The following TAFA1 variants were observed in gnomAD, a reference collection of about 807,000 sequenced individuals.
TAFA1 encodes chemokine-like protein TAFA-1.
A neutral mutation model predicts 18.5 loss-of-function variants in TAFA1; 4 were observed. That is an observed-to-expected ratio of 0.22 (90% CI 0.11 to 0.49). The LOEUF is 0.49. Among genes scored for constraint, TAFA1 ranks in the 20% least tolerant of loss-of-function variants. The pLI is 0.98. For missense variants in TAFA1, 147 were observed against 169.0 expected, an observed-to-expected ratio of 0.87 and a Z score of 0.72; for synonymous variants, 56 against 55.2, an observed-to-expected ratio of 1.01 and a Z score of -0.06.
intron 3 of TAFA1, among the ~76,000 whole-genome samples, chr3:68,513,169 A>G (rs1369481160): frequency 6.6e-6 from 1 of 152,134 alleles, no homozygotes; most frequent in Admixed American, 6.6e-5. Flanking sequence ...AGAGTGGTGA[A>G]CATAAGACAT....
At chr3:68,185,294 A>C (rs946805240) in intron 2 of TAFA1, among the ~76,000 whole-genome samples, 13 of 152,140 alleles carry the variant, frequency 8.5e-5, no homozygotes, top group Non-Finnish European at 5.9e-5. Context: ...ACATTTGGGG[A>C]GCCAACATCA....
chr3:68,067,014 T>G (rs1309911466), intron 2 of TAFA1, among the ~76,000 whole-genome samples: 1 of 152,176 alleles, frequency 6.6e-6, no homozygotes, highest in Non-Finnish European at 1.5e-5. Context: ...GACGGCCAGC[T>G]CCATGTAGAA....
In TAFA1 at chr3:68,537,601, T is replaced by G. The variant is rs183443889; in HGVS notation, c.260-1155T>G. Among the ~76,000 whole-genome samples the G allele has an allele frequency of 9.9e-5, 15 of 152,248 alleles. 1 individual carries two copies. The highest frequency in any genetic ancestry group is 6.5e-4 in the Admixed American group (10 of 15,292). ...TTTCCTAGACTGGACAATGGGGGCT[T>G]CAGAGAAAGCCTGGTTGTATCAGTG... On this transcript the variant is annotated intron_variant, in intron 3 of 4. Coordinates refer to ENST00000478136, the MANE Select transcript of TAFA1 (RefSeq NM_213609.4).
At chr3:68,489,550 C>T (rs1223002154) in intron 3 of TAFA1, among the ~76,000 whole-genome samples, 1 of 152,142 alleles carries the variant, frequency 6.6e-6, no homozygotes, top group South Asian at 2.1e-4. Flanking sequence ...CGTAGACCCC[C>T]GGTGTTTTTC....
chr3:68,466,109 G>A (rs975916985), intron 3 of TAFA1, among the ~76,000 whole-genome samples: 5 of 151,926 alleles, frequency 3.3e-5, no homozygotes, highest in African/African-American at 1.2e-4. Context: ...CACATGATAG[G>A]CTTATGAATT....
At chr3:68,134,531 T>C (rs1002681525) in intron 2 of TAFA1, among the ~76,000 whole-genome samples, 1 of 152,204 alleles carries the variant, frequency 6.6e-6, no homozygotes, top group South Asian at 2.1e-4. Flanking sequence ...TGGTTCTTAC[T>C]GTCAGTCAGT....
At chr3:68,452,992 A>G (rs528801511) in intron 3 of TAFA1, among the ~76,000 whole-genome samples, 117 of 152,328 alleles carry the variant, frequency 7.7e-4, no homozygotes, top group African/African-American at 2.4e-3. Context: ...TCTTTGAATG[A>G]TAATATAAAT....
chr3:68,482,277 G>A (rs2072252517), intron 3 of TAFA1, among the ~76,000 whole-genome samples: 1 of 152,212 alleles, frequency 6.6e-6, no homozygotes. Context: ...AAAGTGCTGG[G>A]ATTGCAGGTG....
intron 2 of TAFA1, among the ~76,000 whole-genome samples, chr3:68,339,901 A>G (rs1016285707): frequency 6.6e-6 from 1 of 152,190 alleles, no homozygotes; most frequent in South Asian, 2.1e-4. Flanking sequence ...GGATTTGCCA[A>G]TGGCTTAACA....
intron 2 of TAFA1, among the ~76,000 whole-genome samples, chr3:68,318,835 C>T (rs770406548): frequency 6.6e-6 from 1 of 152,214 alleles, no homozygotes; most frequent in Non-Finnish European, 1.5e-5. Context: ...GAATCATGTC[C>T]TCTTCAATAA....
intron 2 of TAFA1, among the ~76,000 whole-genome samples, chr3:68,303,782 C>T (rs1353454405): frequency 6.6e-6 from 1 of 151,910 alleles, no homozygotes; most frequent in African/African-American, 2.4e-5. Context: ...AAATATGTCA[C>T]AAAGAGGCAA....
At chr3:68,199,690 T>C (rs9843449) in intron 2 of TAFA1, among the ~76,000 whole-genome samples, 102,881 of 151,398 alleles carry the variant, frequency 0.68, 35,375 homozygotes, top group South Asian at 0.78. Flanking sequence ...GACTTTTGCA[T>C]ATTAAACTTG....
rs1553695290 is a variant in TAFA1, at chr3:68,479,241, A to AT, written c.260-59515_260-59514insT. On this transcript the variant is annotated intron_variant, in intron 3 of 4. Transcript: ENST00000478136. ...TGAGACTCCATCTCAAAAAAAAAAA[A>AT]ATATATATATATATATATATATGTC... Among the ~76,000 whole-genome samples the AT allele has an allele frequency of 2.2e-3, 273 of 123,660 alleles. 2 individuals are homozygous for AT. Among genetic ancestry groups the AT allele is most frequent in the African/African-American group, 7.3e-3 (203 of 27,756 alleles). 81.1% of individuals were successfully genotyped at this position (123,660 alleles called of 152,430 possible). A position where few individuals can be genotyped will look rare whatever the true frequency, so the allele number is the denominator to read the frequency against.
At chr3:68,442,652 G>T (rs1195705709) in intron 3 of TAFA1, among the ~76,000 whole-genome samples, 1 of 152,098 alleles carries the variant, frequency 6.6e-6, no homozygotes, top group East Asian at 1.9e-4. Context: ...GGGAGGAGAA[G>T]AAATCTATAT....
intron 3 of TAFA1, among the ~76,000 whole-genome samples, chr3:68,492,655 C>T (rs1029511231): frequency 6.6e-6 from 1 of 152,036 alleles, no homozygotes; most frequent in Non-Finnish European, 1.5e-5. Context: ...TGATAGTTTG[C>T]TTGCAGTGTT....
At chr3:68,136,449 T>C (rs2065608995) in intron 2 of TAFA1, among the ~76,000 whole-genome samples, 1 of 152,146 alleles carries the variant, frequency 6.6e-6, no homozygotes, top group Non-Finnish European at 1.5e-5. Flanking sequence ...AATGTGGTTG[T>C]ATTTATATTA....
chr3:68,453,858 C>A (rs2071609530), intron 3 of TAFA1, among the ~76,000 whole-genome samples: 1 of 152,128 alleles, frequency 6.6e-6, no homozygotes, highest in Admixed American at 6.6e-5. Context: ...CATGCATATT[C>A]TTTATTGATA....
At chr3:68,451,916 C>A (rs1192421216) in intron 3 of TAFA1, among the ~76,000 whole-genome samples, 1 of 152,138 alleles carries the variant, frequency 6.6e-6, no homozygotes, top group Non-Finnish European at 1.5e-5. Flanking sequence ...TTTAATGTGA[C>A]AAGCAAGTTT....
At chr3:68,094,243 G>A (rs150341509) in intron 2 of TAFA1, among the ~76,000 whole-genome samples, 1 of 152,168 alleles carries the variant, frequency 6.6e-6, no homozygotes, top group East Asian at 1.9e-4. Context: ...TCCAACTTTG[G>A]TGGGTTTGTG....
Sources: allele counts gnomAD v4.1 joint callset (sites outside exome capture counted in the v4.1 genomes callset), GRCh38; gene constraint gnomAD v4.1.1; transcripts MANE v1.5; gene names NCBI Gene and HGNC (gene_info 2026-07-23, HGNC 2026-07-21).